SPX: variants seen among roughly 807,000 people sequenced by gnomAD.
The protein encoded by SPX is spexin.
Under a neutral mutation model 19.2 loss-of-function variants are expected in SPX, and 22 were observed. That is an observed-to-expected ratio of 1.15 (90% CI 0.82 to 1.64). SPX has a LOEUF of 1.64. SPX is among the 40% of genes most tolerant of loss of function. SPX has a pLI of 0.00. For missense variants in SPX, 143 were observed against 137.7 expected, an observed-to-expected ratio of 1.04 and a Z score of -0.19; for synonymous variants, 50 against 53.3, an observed-to-expected ratio of 0.94 and a Z score of 0.27.
rs1943815937 is a variant in SPX at position 21,526,489 on chromosome 12, G to T, written c.6+11G>T. On this transcript the variant is annotated intron_variant, in intron 1 of 5. Coordinates refer to ENST00000256969, the MANE Select transcript of SPX (RefSeq NM_030572.4). ...ACGCAGAACATGAAGGTAAGTAAAG[G>T]CTTTATTAACTTGAGACTTCTTAGC... The T allele has an allele frequency of 3.1e-6, 5 of 1,591,342 alleles. No homozygotes were observed. Among genetic ancestry groups the T allele is most frequent in the Admixed American group, 1.7e-5 (1 of 59,764 alleles).
Position 21,528,783 on chromosome 12 carries a change from C to T in SPX, c.209-218C>T, listed in dbSNP as rs369702892. On this transcript the variant is annotated intron_variant, in intron 4 of 5. Transcript: ENST00000256969. ...TTGGCATATAGTTTAACATTCTCTT[C>T]CATACCCTGTTTGTAAACTTGACAT... Among the ~76,000 whole-genome samples, 66 of 152,300 alleles carry T rather than the reference C, an allele frequency of 4.3e-4. 2 individuals are homozygous for T. The South Asian group carries it at 0.014, about 32-fold the overall frequency.
chr12:21,527,343 G>C, intron 3 of SPX, 151 bp downstream of exon 3: 1 of 712,770 alleles, frequency 1.4e-6, no homozygotes, highest in South Asian at 1.7e-5. Flanking sequence ...TGAGGGAGGG[G>C]TGGGAGAGGG....
chr12:21,527,096 A>G (rs1454639219), intron 2 of SPX, 39 bp from the exon 3 acceptor site: 2 of 1,604,874 alleles, frequency 1.2e-6, no homozygotes, highest in Non-Finnish European at 1.7e-6. Context: ...CTGAGCTGCA[A>G]TGTTTTATTA....
chr12:21,528,046 G>A, intron 4 of SPX: 1 of 504,392 alleles, frequency 2.0e-6, no homozygotes, highest in South Asian at 2.3e-5. Flanking sequence ...GGCTGGCGCT[G>A]CGGCTCCCCA....
intron 5 of SPX, 99 bp from the exon 6 acceptor site, chr12:21,531,038 A>C: frequency 1.3e-6 from 1 of 754,046 alleles, no homozygotes. Flanking sequence ...ATAGCTTAGA[A>C]GGCTAAATGT....
intron 1 of SPX, among the ~76,000 whole-genome samples, chr12:21,526,679 CA>C (rs1265511533): frequency 6.6e-6 from 1 of 151,624 alleles, no homozygotes; most frequent in Non-Finnish European, 1.5e-5. Flanking sequence ...TGAAGTAATA[CA>C]AATAATATGT....
At chr12:21,527,539 A>T in intron 3 of SPX, 188 bp from the exon 4 acceptor site, 1 of 647,846 alleles carries the variant, frequency 1.5e-6, no homozygotes, top group Non-Finnish European at 2.7e-6. Flanking sequence ...CCAGAGCTCC[A>T]GGGCCCCTGG....
At chr12:21,527,343 G>T in intron 3 of SPX, 151 bp downstream of exon 3, 1 of 712,768 alleles carries the variant, frequency 1.4e-6, no homozygotes, top group Non-Finnish European at 2.4e-6. Flanking sequence ...TGAGGGAGGG[G>T]TGGGAGAGGG....
chr12:21,527,843 G>C, intron 4 of SPX, 54 bp downstream of exon 4: 1 of 1,527,812 alleles, frequency 6.5e-7, no homozygotes, highest in South Asian at 1.2e-5. Context: ...AATAGGATGG[G>C]GCGGGCAGGG....
chr12:21,529,137 T>G, intron 5 of SPX, 53 bp downstream of exon 5: 1 of 1,553,798 alleles, frequency 6.4e-7, no homozygotes, highest in South Asian at 1.1e-5. Context: ...TTTGCTTACT[T>G]TCGGGATTCT....
At chr12:21,528,050 C>T (rs1943832016) in intron 4 of SPX, 3 of 485,700 alleles carry the variant, frequency 6.2e-6, no homozygotes, top group Non-Finnish European at 1.1e-5. Context: ...GGCGCTGCGG[C>T]TCCCCAAGCC....
rs369558432 is a variant in SPX at position 21,526,463 on chromosome 12, G to T, written c.-10G>T. The T allele has an allele frequency of 4.6e-5, 73 of 1,591,478 alleles. No individual in the cohort carries two copies. In the African/African-American group the frequency reaches 8.4e-4, roughly 18 times the overall value. ...TATAGTTATTTCAGGGTTCTGAAAA[G>T]ACGCAGAACATGAAGGTAAGTAAAG... is the stretch of plus-strand genomic sequence containing the variant. On this transcript the variant is annotated 5_prime_UTR_variant, in exon 1 of 6. Transcript: ENST00000256969.
In SPX at chr12:21,527,747, G is replaced by A; in HGVS notation, c.166G>A (p.Asp56Asn). Residue 56 changes from aspartate to asparagine, a missense_variant, in exon 4 of 6, where the codon GAC (aspartate) becomes AAC (asparagine). Coordinates refer to ENST00000256969, the MANE Select transcript of SPX (RefSeq NM_030572.4). The stretch of plus-strand genomic sequence containing the variant: ...TGCAGAGGGTCGCCGCTTCATCTCC[G>A]ACCAGAGCCGGAGAAAGGACCTCTC... The part of the protein sequence containing the change: ...KGAQGRRFIS[D>N]QSRRKDLSDR... 6.4e-7 allele frequency: 1 copy of A among 1,569,474 alleles called. No individual in the cohort carries two copies. Among genetic ancestry groups the A allele is most frequent in the Non-Finnish European group, 8.6e-7 (1 of 1,156,776 alleles).
chr12:21,528,911 T>A, intron 4 of SPX, 90 bp from the exon 5 acceptor site: 1 of 1,185,378 alleles, frequency 8.4e-7, no homozygotes, highest in Non-Finnish European at 1.2e-6. Context: ...TTCATAGAGG[T>A]TTTTCTAGTA....
chr12:21,527,961 A>G, intron 4 of SPX, 172 bp downstream of exon 4: 2 of 662,750 alleles, frequency 3.0e-6, no homozygotes, highest in South Asian at 4.4e-5. Flanking sequence ...TGGCAGCAGC[A>G]GCAGCTGGAT....
In SPX at chr12:21,531,120, A is replaced by AT. The variant is rs546050550; in HGVS notation, c.293-8dup. On this transcript the variant is annotated splice_polypyrimidine_tract_variant and intron_variant, in intron 5 of 5. Transcript: ENST00000256969. ...GCAGAGTGTATATTTATTTTAAAGA[A>AT]TTTTTTTTTCTTACAGATGAAGAAA... The AT allele has an allele frequency of 9.9e-4, 1,428 of 1,449,688 alleles. 1 individual carries two copies. The highest frequency in any genetic ancestry group is 3.6e-3 in the African/African-American group (252 of 69,324). The allele number at this position is 1,449,688 out of a possible 1,614,324, so 89.8% of individuals were successfully genotyped here. A position where few individuals can be genotyped will look rare whatever the true frequency, so the allele number is the denominator to read the frequency against.
At chr12:21,526,734 G>A (rs1399787601) in intron 1 of SPX, 152 bp from the exon 2 acceptor site, 1 of 782,558 alleles carries the variant, frequency 1.3e-6, no homozygotes, top group Non-Finnish European at 2.1e-6. Context: ...GAATTAACTA[G>A]AAGGTAGAAG....
chr12:21,526,875 G>T lies in SPX; in HGVS notation c.7-11G>T. 3 of 1,613,306 alleles carry T rather than the reference G, an allele frequency of 1.9e-6. No homozygotes were observed. The highest frequency in any genetic ancestry group is 1.7e-6 in the Non-Finnish European group (2 of 1,179,372). ...CAGAAATGACCCTTTCTGGTTGATCGCTTCATATAGGGACTCAGAAGTCTG... is the reference window on the plus strand; with the variant it reads ...CAGAAATGACCCTTTCTGGTTGATCTCTTCATATAGGGACTCAGAAGTCTG... On this transcript the variant is annotated splice_polypyrimidine_tract_variant and intron_variant, in intron 1 of 5. Transcript: ENST00000256969.
intron 4 of SPX, among the ~76,000 whole-genome samples, chr12:21,528,504 T>G (rs1033813194): frequency 6.6e-6 from 1 of 152,298 alleles, no homozygotes; most frequent in East Asian, 1.9e-4. Context: ...GTTGAACACA[T>G]AGTAGGTGCT....
Sources: allele counts gnomAD v4.1 joint callset (sites outside exome capture counted in the v4.1 genomes callset), GRCh38; gene constraint gnomAD v4.1.1; transcripts MANE v1.5; gene names NCBI Gene and HGNC (gene_info 2026-07-23, HGNC 2026-07-21).